Variants in OTOF observed in about 807,000 individuals in gnomAD.
OTOF encodes the protein fer-1-like family member 2.
OTOF carries 218 observed loss-of-function variants against 236.8 expected under a neutral mutation model. That is an observed-to-expected ratio of 0.92 (90% CI 0.82 to 1.03). The LOEUF (loss-of-function observed/expected upper bound fraction) is 1.03. Among genes scored for constraint, OTOF ranks in the 50% least tolerant of loss-of-function variants. The probability of loss-of-function intolerance (pLI) is 0.00; values close to 1 mark genes in which losing one functional copy is unlikely to be tolerated. For synonymous variants in OTOF, 1,041 were observed against 1,072.5 expected (o/e 0.97, Z 0.57); for missense variants, 2,590 against 2,694.4 (o/e 0.96, Z 0.86).
intron 3 of OTOF, among the ~76,000 whole-genome samples, chr2:26,519,514 A>ACTCAT (rs1666623699): frequency 6.6e-6 from 1 of 152,198 alleles, no homozygotes; most frequent in African/African-American, 2.4e-5. Flanking sequence ...CCTAACCATG[A>ACTCAT]CCAAGGTTTC....
chr2:26,480,146 GC>G lies in OTOF; in HGVS notation c.1912+56del, dbSNP rs1665491728. The G allele has an allele frequency of 8.2e-6, 8 of 970,646 alleles. No individual in the cohort carries two copies. The South Asian group carries it at 9.0e-5, about 11-fold the overall frequency. 60.1% of individuals were successfully genotyped at this position (970,646 alleles called of 1,614,324 possible). A position where few individuals can be genotyped will look rare whatever the true frequency, so the allele number is the denominator to read the frequency against. On this transcript the variant is annotated intron_variant, in intron 16 of 46. Coordinates refer to ENST00000272371, the MANE Select transcript of OTOF (RefSeq NM_194248.3). ...TTACCACCTGCAGCCTAGGCCTGAA[GC>G]CCCCGTGGGCCCAGCACTCACCTAG... is the stretch of plus-strand genomic sequence containing the variant.
Position 26,472,629 on chromosome 2 carries a change from G to C in OTOF, c.3754C>G (p.Arg1252Gly), listed in dbSNP as rs551826797. ...NTTVRLLRRCRVLCNGGSSSH... is the reference protein window; with the variant it reads ...NTTVRLLRRCGVLCNGGSSSH... The stretch of plus-strand genomic sequence containing the variant: ...GAGGAGCCCCCATTGCACAGCACAC[G>C]GCAGCGCCGGAGAAGCCTGACTGGA... Residue 1252 changes from arginine (R) to glycine (G), a missense_variant, in exon 30 of 47, where the codon CGT becomes GGT. Arg to Gly is a moderately radical substitution (Grantham distance 125). Coordinates refer to ENST00000272371, the MANE Select transcript of OTOF (RefSeq NM_194248.3). 1 of 1,613,238 alleles carries C rather than the reference G, an allele frequency of 6.2e-7. No individual in the cohort carries two copies. Among genetic ancestry groups the C allele is most frequent in the Non-Finnish European group, 8.5e-7 (1 of 1,179,952 alleles).
chr2:26,487,521 G>A (rs1262731791), intron 11 of OTOF, among the ~76,000 whole-genome samples: 1 of 152,170 alleles, frequency 6.6e-6, no homozygotes, highest in East Asian at 1.9e-4. Flanking sequence ...TGGGAATGAT[G>A]CCTATATGGG....
In OTOF at chr2:26,483,607, C is replaced by T. The variant is rs1490089952; in HGVS notation, c.1247G>A (p.Trp416Ter). The T allele has an allele frequency of 1.2e-6, 2 of 1,613,152 alleles. No homozygotes were observed. Among genetic ancestry groups the T allele is most frequent in the Non-Finnish European group, 1.7e-6 (2 of 1,180,016 alleles). ...GTAAATTTTCACATAGAACCGGGCC[C>T]ACTGGCGTTCGGGGGGCACCCCCTC... ...LPEGVPPERQ[W>*]ARFYVKIYRA... The change falls in exon 13 of 47, where the codon TGG becomes TAG. Residue 416 changes from tryptophan to a stop codon, truncating the protein, a stop_gained. Transcript: ENST00000272371. LOFTEE classifies it high-confidence loss of function.
At chr2:26,513,737 G>A (rs1035339713) in intron 5 of OTOF, among the ~76,000 whole-genome samples, 6 of 152,230 alleles carry the variant, frequency 3.9e-5, no homozygotes, top group Non-Finnish European at 7.3e-5. Context: ...AGCAGATGCA[G>A]GGGAAGCCTG....
At chr2:26,480,745 G>A in intron 15 of OTOF, 41 bp downstream of exon 15, 1 of 1,539,898 alleles carries the variant, frequency 6.5e-7, no homozygotes, top group South Asian at 1.1e-5. Context: ...AGGGGGCTGA[G>A]CTGGAGGCCC....
intron 18 of OTOF, chr2:26,478,171 G>T: frequency 1.7e-6 from 1 of 573,362 alleles, no homozygotes; most frequent in South Asian, 3.9e-5. Flanking sequence ...GGAAGAGGGA[G>T]TGGCTCTGGC....
intron 46 of OTOF, among the ~76,000 whole-genome samples, chr2:26,459,274 T>C (rs574411580): frequency 4.6e-5 from 7 of 152,246 alleles, no homozygotes; most frequent in East Asian, 1.9e-4. Context: ...TAGAGTCGGC[T>C]GGGCGCGGTG....
In OTOF at chr2:26,477,235, C is replaced by T. The variant is rs1031679224; in HGVS notation, c.2460G>A (p.Thr820=). The change falls in exon 21 of 47, where the codon ACG becomes ACA. Residue 820 remains threonine (T), a synonymous_variant. Transcript: ENST00000272371. The surrounding 1 kb of genome is among the most constrained non-coding windows in gnomAD (Gnocchi z 4.7). ...RMLRAQVKRH[T]VRDKLRLCQN... Reference sequence around the variant, plus strand: ...GGCACAGCCTCAGCTTGTCCCGCACCGTGTGCCGCTTCACCTGGGCCCGCA... The same window carrying T: ...GGCACAGCCTCAGCTTGTCCCGCACTGTGTGCCGCTTCACCTGGGCCCGCA... The T allele has an allele frequency of 5.6e-6, 9 of 1,609,698 alleles. No homozygotes were observed. Among genetic ancestry groups the T allele is most frequent in the South Asian group, 2.2e-5 (2 of 90,422 alleles).
At position 26,460,851 on chromosome 2, in the gene OTOF, C is replaced by G; in HGVS notation, c.5712+1G>C. ...CTGCCCGAGCAGGAAGGGGTGCGCA[C>G]CGTGAGCTCAAACTCATCGTTCTCA... is the stretch of plus-strand genomic sequence containing the variant. On this transcript the variant is annotated splice_donor_variant, in intron 44 of 46. Transcript: ENST00000272371. LOFTEE classifies it high-confidence loss of function. This position sits in a 1 kb window ranked among gnomAD's most constrained non-coding sequence, Gnocchi z 5.3. 6.2e-7 allele frequency: 1 copy of G among 1,614,058 alleles called. No individual in the cohort carries two copies. Among genetic ancestry groups the G allele is most frequent in the Non-Finnish European group, 8.5e-7 (1 of 1,179,990 alleles).
Position 26,474,021 on chromosome 2 carries a change from G to A in OTOF, c.3378C>T (p.Ile1126=). Residue 1126 remains isoleucine (I), a synonymous_variant, in exon 27 of 47, where the codon ATC becomes ATT. Coordinates refer to ENST00000272371, the MANE Select transcript of OTOF (RefSeq NM_194248.3). ...RGPIMPVPMG[I]RPVLSKYRVE... Reference sequence around the variant, plus strand: ...CTCGGTACTTGCTGAGCACGGGCCGGATGCCCATGGGCACGGGCATGATGG... The same window carrying A: ...CTCGGTACTTGCTGAGCACGGGCCGAATGCCCATGGGCACGGGCATGATGG... 1 of 1,612,984 alleles carries A rather than the reference G, an allele frequency of 6.2e-7. No individual in the cohort carries two copies. The highest frequency in any genetic ancestry group is 1.7e-5 in the Admixed American group (1 of 60,014).
chr2:26,472,092 A>C (rs1665008699), intron 30 of OTOF, among the ~76,000 whole-genome samples: 1 of 151,470 alleles, frequency 6.6e-6, no homozygotes, highest in Non-Finnish European at 1.5e-5. Context: ...ATGAACATAC[A>C]CCACACATGC....
chr2:26,461,008 G>C lies in OTOF; in HGVS notation c.5556C>G (p.Asn1852Lys), dbSNP rs780943281. 2 of 1,471,826 alleles carry C rather than the reference G, an allele frequency of 1.4e-6. No homozygotes were observed. The highest frequency in any genetic ancestry group is 3.0e-5 in the East Asian group (1 of 33,236). 91.2% of individuals were successfully genotyped at this position (1,471,826 alleles called of 1,614,324 possible). Residue 1852 changes from asparagine (N) to lysine (K), a missense_variant, in exon 44 of 47, where the codon AAC becomes AAG. This residue lies in a region of OTOF where 1,211 missense variants were observed against 1,352.8 expected (regional missense o/e 0.90). Coordinates refer to ENST00000272371, the MANE Select transcript of OTOF (RefSeq NM_194248.3). The surrounding 1 kb of genome is among the most constrained non-coding windows in gnomAD (Gnocchi z 6.2). ...DFLGAIELDL[N>K]RFPRGAKTAK... is the part of the protein sequence containing the mutation. ...CTGTCTTTGCGCCCCGCGGGAACCGGTTCAGGTCCAGCTCGATGGCCCCTG... is the reference window on the plus strand; with the variant it reads ...CTGTCTTTGCGCCCCGCGGGAACCGCTTCAGGTCCAGCTCGATGGCCCCTG...
chr2:26,520,514 C>A (rs1327487276), intron 3 of OTOF, among the ~76,000 whole-genome samples: 1 of 152,232 alleles, frequency 6.6e-6, no homozygotes, highest in Non-Finnish European at 1.5e-5. Flanking sequence ...AGAGCCCCAA[C>A]CACCATTGTG....
intron 7 of OTOF, 99 bp downstream of exon 7, chr2:26,502,201 G>T: frequency 7.6e-7 from 1 of 1,313,428 alleles, no homozygotes. Flanking sequence ...AGCCGTCCAT[G>T]AGCCCTGATT....
rs934794278 is a variant in OTOF at position 26,495,169 on chromosome 2, G to A, written c.766-96C>T. 8 of 1,311,196 alleles carry A rather than the reference G, an allele frequency of 6.1e-6. No homozygotes were observed. In the African/African-American group the frequency reaches 1.0e-4, roughly 17 times the overall value. 81.2% of individuals were successfully genotyped at this position (1,311,196 alleles called of 1,614,324 possible). On this transcript the variant is annotated intron_variant, in intron 8 of 46. Transcript: ENST00000272371. ...AGGGGCTGGGGCAGCAGGGTCAGAG[G>A]GAGGGCCCGGGAGCCAGCACTGGCC...
intron 1 of OTOF, among the ~76,000 whole-genome samples, chr2:26,541,386 A>G (rs919648608): frequency 5.3e-5 from 8 of 152,248 alleles, no homozygotes; most frequent in Non-Finnish European, 1.2e-4. Flanking sequence ...AGAGATGGTG[A>G]ATATTCTCAA....
In OTOF at chr2:26,477,720, C is replaced by T. The variant is rs1665386762; in HGVS notation, c.2244G>A (p.Met748Ile). 1.2e-6 allele frequency: 2 copies of T among 1,612,736 alleles called. No individual in the cohort carries two copies. Among genetic ancestry groups the T allele is most frequent in the Admixed American group, 1.7e-5 (1 of 60,022 alleles). The change falls in exon 19 of 47, where the codon ATG becomes ATA. Residue 748 changes from methionine (M) to isoleucine (I), a missense_variant. Transcript: ENST00000272371. This position sits in a 1 kb window ranked among gnomAD's most constrained non-coding sequence, Gnocchi z 4.7. ...LEEGLNDIQE[M>I]IKTEKSYPER... ...CAGGGTAGGACTTCTCCGTTTTGAT[C>T]ATCTCCTGTATGTCGTTCAGGCCTT...
In OTOF at chr2:26,477,452, A is replaced by G; in HGVS notation, c.2370T>C (p.Leu790=). 1 of 1,601,876 alleles carries G rather than the reference A, an allele frequency of 6.2e-7. No homozygotes were observed. The highest frequency in any genetic ancestry group is 8.5e-7 in the Non-Finnish European group (1 of 1,175,072). ...KDQGHSSRTR[L]DRERLKSCMR... Reference sequence around the variant, plus strand: ...TGCAGGACTTGAGGCGCTCCCGGTCAAGCCTGGTGCGGGATGAGTGGCCCT... The same window carrying G: ...TGCAGGACTTGAGGCGCTCCCGGTCGAGCCTGGTGCGGGATGAGTGGCCCT... Residue 790 remains leucine (L), a synonymous_variant, in exon 20 of 47, where the codon CTT becomes CTC. Coordinates refer to ENST00000272371, the MANE Select transcript of OTOF (RefSeq NM_194248.3). This position sits in a 1 kb window ranked among gnomAD's most constrained non-coding sequence, Gnocchi z 4.7.
Sources: gnomAD v4.1 joint callset for allele counts (sites outside exome capture counted in the v4.1 genomes callset) on GRCh38, gnomAD v4.1.1 for gene constraint, gnomAD v4.1.1 regional missense constraint, Gnocchi (gnomAD v3.1) non-coding constraint, MANE v1.5 for transcripts, NCBI Gene and HGNC (gene_info 2026-07-23, HGNC 2026-07-21) for gene names.